The following MYO3A variants were observed in gnomAD, a reference collection of about 807,000 sequenced individuals.
The protein encoded by MYO3A is myosin IIIA, also known as myosin-IIIa.
MYO3A carries 180 observed loss-of-function variants against 192.7 expected under a neutral mutation model. The ratio of observed to expected loss-of-function variants is 0.93; its 90% confidence interval spans 0.83 to 1.06. MYO3A has a LOEUF of 1.06. MYO3A is among the 50% of genes least tolerant of loss of function. The pLI, the probability that MYO3A is intolerant of heterozygous loss-of-function variation, is 0.00. For missense variants in MYO3A, 1,896 were observed against 1,905.0 expected (o/e 1.00, Z 0.09); for synonymous variants, 628 against 645.3 (o/e 0.97, Z 0.41).
chr10:26,002,631 C>T (rs112788741), intron 6 of MYO3A, among the ~76,000 whole-genome samples: 4 of 151,472 alleles, frequency 2.6e-5, no homozygotes, highest in African/African-American at 7.3e-5. Flanking sequence ...ACCAGGTAAT[C>T]GGAATGAGTC....
intron 6 of MYO3A, among the ~76,000 whole-genome samples, chr10:26,010,671 C>T (rs530702669): frequency 5.2e-4 from 79 of 152,136 alleles, no homozygotes; most frequent in African/African-American, 1.9e-3. Context: ...ACCATATTGG[C>T]CAGGCTGGTC....
At chr10:26,109,955 T>C (rs537199733) in intron 17 of MYO3A, among the ~76,000 whole-genome samples, 1 of 152,274 alleles carries the variant, frequency 6.6e-6, no homozygotes, top group South Asian at 2.1e-4. Context: ...GCGGGAGTTA[T>C]TGCAATGAGT....
At chr10:26,067,609 A>G (rs1834931519) in intron 11 of MYO3A, among the ~76,000 whole-genome samples, 1 of 152,126 alleles carries the variant, frequency 6.6e-6, no homozygotes, top group Admixed American at 6.5e-5. Context: ...CTTGTTTCAC[A>G]CAGCTTATCT....
At chr10:25,963,700 C>T (rs1838083229) in intron 4 of MYO3A, among the ~76,000 whole-genome samples, 1 of 152,120 alleles carries the variant, frequency 6.6e-6, no homozygotes, top group African/African-American at 2.4e-5. Flanking sequence ...AACCACCATT[C>T]CCACCTCTCA....
At chr10:25,943,060 A>C (rs2130835668) in intron 2 of MYO3A, among the ~76,000 whole-genome samples, 1 of 151,800 alleles carries the variant, frequency 6.6e-6, no homozygotes, top group South Asian at 2.1e-4. Flanking sequence ...TTTTCTTCTA[A>C]GTGTTTTATT....
intron 10 of MYO3A, among the ~76,000 whole-genome samples, chr10:26,054,109 G>C (rs1210247153): frequency 6.6e-6 from 1 of 151,802 alleles, no homozygotes; most frequent in Non-Finnish European, 1.5e-5. Context: ...AATGGGGTGG[G>C]TGTGGGATCA....
At chr10:26,192,993 T>G (rs1450681558) in intron 31 of MYO3A, among the ~76,000 whole-genome samples, 2 of 152,020 alleles carry the variant, frequency 1.3e-5, no homozygotes, top group Admixed American at 1.3e-4. Context: ...TTTCTTCCCC[T>G]TAGCTCTCAA....
Position 25,993,141 on chromosome 10 carries a change from A to AT in MYO3A, c.304-3340dup, listed in dbSNP as rs578095785. Among the ~76,000 whole-genome samples, 27 of 151,092 alleles carry AT rather than the reference A, an allele frequency of 1.8e-4. No homozygotes were observed. The East Asian group carries it at 2.1e-3, about 12-fold the overall frequency. On this transcript the variant is annotated intron_variant, in intron 4 of 34. Transcript: ENST00000642920. The stretch of plus-strand genomic sequence containing the variant: ...CGGCTGTGAATCCATTTGGTCCTGG[A>AT]TTTTTTTTTGGTTGGTAAGCTGTTA...
At chr10:26,146,010 G>T (rs754619998) in intron 22 of MYO3A, among the ~76,000 whole-genome samples, 10 of 152,140 alleles carry the variant, frequency 6.6e-5, no homozygotes, top group Non-Finnish European at 1.3e-4. Flanking sequence ...TCTCTCTACT[G>T]CACTCTTTGT....
At chr10:26,138,620 C>T (rs1839983818) in intron 20 of MYO3A, among the ~76,000 whole-genome samples, 1 of 152,036 alleles carries the variant, frequency 6.6e-6, no homozygotes, top group Non-Finnish European at 1.5e-5. Flanking sequence ...TATTGAAAGG[C>T]AAGAGAAGTC....
At chr10:26,063,303 G>A (rs1210522204) in intron 10 of MYO3A, among the ~76,000 whole-genome samples, 1 of 152,188 alleles carries the variant, frequency 6.6e-6, no homozygotes, top group African/African-American at 2.4e-5. Flanking sequence ...TATAATTTTA[G>A]TGAAGCCCAA....
intron 17 of MYO3A, among the ~76,000 whole-genome samples, chr10:26,110,647 C>T (rs1838107395): frequency 6.6e-6 from 1 of 152,140 alleles, no homozygotes. Context: ...ATTGAGAGAT[C>T]ACTAAGCATT....
chr10:25,971,768 T>G (rs1180962869), intron 4 of MYO3A, among the ~76,000 whole-genome samples: 1 of 152,184 alleles, frequency 6.6e-6, no homozygotes, highest in African/African-American at 2.4e-5. Context: ...ATTTCAAGAT[T>G]TTCCTTTTAT....
chr10:26,030,642 T>C (rs1260730400), intron 10 of MYO3A, among the ~76,000 whole-genome samples: 1 of 152,248 alleles, frequency 6.6e-6, no homozygotes, highest in Admixed American at 6.5e-5. Context: ...AAAATCTGAT[T>C]GTATTAAATC....
At chr10:26,149,826 T>C (rs1298189939) in intron 23 of MYO3A, among the ~76,000 whole-genome samples, 1 of 152,186 alleles carries the variant, frequency 6.6e-6, no homozygotes, top group Non-Finnish European at 1.5e-5. Flanking sequence ...CCTATCTAGC[T>C]GACATTTTAT....
chr10:25,975,187 G>A (rs1362902828), intron 4 of MYO3A, among the ~76,000 whole-genome samples: 3 of 152,152 alleles, frequency 2.0e-5, no homozygotes, highest in Admixed American at 6.5e-5. Context: ...GCATTTAAAT[G>A]TACTACAATT....
intron 14 of MYO3A, among the ~76,000 whole-genome samples, chr10:26,072,060 GGA>G (rs59348502): frequency 0.1 from 15,320 of 151,892 alleles, 838 homozygotes; most frequent in Non-Finnish European, 0.12. Flanking sequence ...CATGGCAGCA[GGA>G]GAGAGAACAG....
chr10:26,103,253 G>T (rs35137356), intron 17 of MYO3A, among the ~76,000 whole-genome samples: 1 of 152,048 alleles, frequency 6.6e-6, no homozygotes. Flanking sequence ...CAGTATTAGG[G>T]TGGGAGTGTC....
At chr10:26,017,766 A>T (rs1018954459) in intron 7 of MYO3A, among the ~76,000 whole-genome samples, 15 of 151,208 alleles carry the variant, frequency 9.9e-5, no homozygotes, top group African/African-American at 3.4e-4. Context: ...GATTAAAAAA[A>T]TTTTTTTACC....
Sources: gnomAD v4.1 joint callset for allele counts (sites outside exome capture counted in the v4.1 genomes callset) on GRCh38, gnomAD v4.1.1 for gene constraint, MANE v1.5 for transcripts, NCBI Gene and HGNC (gene_info 2026-07-23, HGNC 2026-07-21) for gene names.